SORCS2: variants seen among roughly 807,000 people sequenced by gnomAD.
SORCS2 encodes the protein VPS10 domain-containing receptor SorCS2.
SORCS2 carries 100 observed loss-of-function variants against 141.6 expected under a neutral mutation model. The observed-to-expected ratio is 0.71, with a 90% CI of 0.60 to 0.83. The LOEUF is 0.83. SORCS2 is among the 40% of genes least tolerant of loss of function. SORCS2 has a pLI of 0.00. For missense variants in SORCS2, 1,646 were observed against 1,560.2 expected, an observed-to-expected ratio of 1.05 and a Z score of -0.93; for synonymous variants, 789 against 676.9, an observed-to-expected ratio of 1.17 and a Z score of -2.57.
chr4:7,645,897 C>T (rs927228661), intron 4 of SORCS2, among the ~76,000 whole-genome samples: 1 of 152,248 alleles, frequency 6.6e-6, no homozygotes, highest in Non-Finnish European at 1.5e-5. Context: ...GCACCACTAT[C>T]CCTGGCTGCC....
chr4:7,286,061 C>T lies in SORCS2; in HGVS notation c.480+92935C>T, dbSNP rs1716202280. 6.6e-6 allele frequency among the ~76,000 whole-genome samples: 1 copy of T among 152,224 alleles called. No homozygotes were observed. The highest frequency in any genetic ancestry group is 2.4e-5 in the African/African-American group (1 of 41,466). Reference sequence around the variant, plus strand: ...CGCCGGGGGCTCCCTGCCTGCCTCCCATCCATCTTCCCGGTGCCTCTTTGT... The same window carrying T: ...CGCCGGGGGCTCCCTGCCTGCCTCCTATCCATCTTCCCGGTGCCTCTTTGT... On this transcript the variant is annotated intron_variant, in intron 1 of 26. Transcript: ENST00000507866. This position sits in a 1 kb window ranked among gnomAD's most constrained non-coding sequence, Gnocchi z 4.1.
At chr4:7,541,201 C>T (rs2109585678) in intron 3 of SORCS2, among the ~76,000 whole-genome samples, 1 of 152,342 alleles carries the variant, frequency 6.6e-6, no homozygotes, top group Non-Finnish European at 1.5e-5. Context: ...TGCAGGGCTG[C>T]CATGCGTGCA....
chr4:7,470,481 T>G (rs1729907684), intron 2 of SORCS2, among the ~76,000 whole-genome samples: 1 of 152,220 alleles, frequency 6.6e-6, no homozygotes, highest in Non-Finnish European at 1.5e-5. Flanking sequence ...GCTGCATGGG[T>G]TCTTCATGGA....
chr4:7,479,635 T>G (rs991442149), intron 2 of SORCS2, among the ~76,000 whole-genome samples: 9 of 152,316 alleles, frequency 5.9e-5, no homozygotes, highest in African/African-American at 2.2e-4. Flanking sequence ...CTCCCCTCGT[T>G]CCTTGTTCAG....
intron 15 of SORCS2, among the ~76,000 whole-genome samples, chr4:7,713,438 T>C (rs939407699): frequency 2.0e-5 from 3 of 152,024 alleles, no homozygotes; most frequent in Non-Finnish European, 4.4e-5. Flanking sequence ...GATTTAATGG[T>C]ACTTGTTAAA....
intron 3 of SORCS2, among the ~76,000 whole-genome samples, chr4:7,609,657 G>T (rs1272746423): frequency 6.6e-6 from 1 of 152,252 alleles, no homozygotes; most frequent in African/African-American, 2.4e-5. Flanking sequence ...GAATGGAAGG[G>T]TCCCAGGGCC....
intron 18 of SORCS2, among the ~76,000 whole-genome samples, chr4:7,722,525 G>T (rs1457628024): frequency 6.6e-6 from 1 of 152,192 alleles, no homozygotes; most frequent in African/African-American, 2.4e-5. Context: ...AGGGCTCCCG[G>T]CACTCCTTGG....
chr4:7,449,513 C>A (rs1405806323), intron 2 of SORCS2, among the ~76,000 whole-genome samples: 4 of 150,414 alleles, frequency 2.7e-5, no homozygotes, highest in Non-Finnish European at 5.9e-5. Flanking sequence ...CTCTGGTCTC[C>A]CTGCCTGTGA....
chr4:7,301,236 C>T (rs2108899367), intron 1 of SORCS2, among the ~76,000 whole-genome samples: 1 of 152,322 alleles, frequency 6.6e-6, no homozygotes, highest in East Asian at 1.9e-4. Context: ...TTGCTTAGCA[C>T]CACCTATGTG....
At chr4:7,430,362 C>G (rs1429237017) in intron 2 of SORCS2, 1 of 99,146 alleles carries the variant, frequency 1.0e-5, no homozygotes, top group Non-Finnish European at 2.3e-5. Flanking sequence ...AGCCCCAAGC[C>G]AAAACAAACA....
intron 2 of SORCS2, among the ~76,000 whole-genome samples, chr4:7,527,804 G>A (rs1351157054): frequency 6.6e-6 from 1 of 152,270 alleles, no homozygotes; most frequent in East Asian, 1.9e-4. Flanking sequence ...CCAGACTAAG[G>A]TGAGCAGGGA....
intron 3 of SORCS2, among the ~76,000 whole-genome samples, chr4:7,549,600 T>G (rs1713528737): frequency 6.6e-6 from 1 of 152,198 alleles, no homozygotes. Flanking sequence ...TATTGGGACA[T>G]GGATGCTTTC....
intron 23 of SORCS2, among the ~76,000 whole-genome samples, chr4:7,730,155 AG>A (rs543223762): frequency 2.7e-4 from 41 of 152,310 alleles, no homozygotes; most frequent in African/African-American, 7.5e-4. Context: ...TCTAAGTAAT[AG>A]CCCTCATGGA....
chr4:7,237,533 T>C (rs1712371922), intron 1 of SORCS2, among the ~76,000 whole-genome samples: 1 of 152,142 alleles, frequency 6.6e-6, no homozygotes, highest in Non-Finnish European at 1.5e-5. Flanking sequence ...ATACTTTTAT[T>C]TATCTATCTA....
intron 3 of SORCS2, among the ~76,000 whole-genome samples, chr4:7,636,362 CGAATGAGGGAATGAAT>C (rs1170646333): frequency 6.6e-6 from 1 of 152,132 alleles, no homozygotes; most frequent in Non-Finnish European, 1.5e-5. Context: ...ACAAGTTTGT[CGAATGAGGGAATGAAT>C]GAATGAGTGA....
In SORCS2 at chr4:7,664,395, A is replaced by G. The variant is rs1438275506; in HGVS notation, c.995A>G (p.Lys332Arg). The G allele has an allele frequency of 1.2e-6, 2 of 1,613,844 alleles. No homozygotes were observed. The highest frequency in any genetic ancestry group is 1.7e-6 in the Non-Finnish European group (2 of 1,179,836). The change falls in exon 7 of 27, where the codon AAG becomes AGG. Residue 332 changes from lysine to arginine, a missense_variant. Transcript: ENST00000507866. This position sits in a 1 kb window ranked among gnomAD's most constrained non-coding sequence, Gnocchi z 4.7. ...VTCAIHNCSE[K>R]MLTAPFAGPI... is the part of the protein sequence containing the mutation. ...TGCGCAATCCACAATTGCTCCGAGA[A>G]GATGCTGACAGCCCCATTCGCAGGC...
At chr4:7,317,696 TC>T (rs1314278572) in intron 1 of SORCS2, among the ~76,000 whole-genome samples, 1 of 152,180 alleles carries the variant, frequency 6.6e-6, no homozygotes, top group Non-Finnish European at 1.5e-5. Context: ...GGCCTAAGCC[TC>T]CCTTTGTCTT....
At chr4:7,311,088 C>T (rs773976046) in intron 1 of SORCS2, among the ~76,000 whole-genome samples, 1 of 152,004 alleles carries the variant, frequency 6.6e-6, no homozygotes, top group South Asian at 2.1e-4. Flanking sequence ...TCTCTGTCTT[C>T]CCTCCCTCCT....
chr4:7,520,297 G>T (rs567408589), intron 2 of SORCS2, among the ~76,000 whole-genome samples: 1 of 152,222 alleles, frequency 6.6e-6, no homozygotes, highest in Admixed American at 6.5e-5. Context: ...TATAGATAGC[G>T]AGGGATTCGC....
Sources: gnomAD v4.1 joint callset for allele counts (sites outside exome capture counted in the v4.1 genomes callset) on GRCh38, gnomAD v4.1.1 for gene constraint, Gnocchi (gnomAD v3.1) non-coding constraint, MANE v1.5 for transcripts, NCBI Gene and HGNC (gene_info 2026-07-23, HGNC 2026-07-21) for gene names.